The following GFOD2 variants were observed in gnomAD, a reference collection of about 807,000 sequenced individuals.
The protein encoded by GFOD2 is glucose-fructose oxidoreductase domain-containing protein 2.
A neutral mutation model predicts 24.6 loss-of-function variants in GFOD2; 9 were observed. The ratio of observed to expected loss-of-function variants is 0.37; its 90% CI spans 0.22 to 0.64. GFOD2 has a LOEUF of 0.64. Among genes scored for constraint, GFOD2 ranks in the 30% least tolerant of loss-of-function variants. GFOD2 has a pLI of 0.65. For missense variants in GFOD2, 476 were observed against 532.5 expected (o/e 0.89, Z 1.04); for synonymous variants, 211 against 224.8 (o/e 0.94, Z 0.55).
chr16:67,682,613 G>A (rs1372198986), intron 2 of GFOD2: 31 of 985,274 alleles, frequency 3.1e-5, no homozygotes, highest in Non-Finnish European at 3.7e-5. Context: ...CAGAAAACAA[G>A]ATGCCATAAA....
chr16:67,714,671 T>A (rs1168582956), intron 1 of GFOD2, among the ~76,000 whole-genome samples: 1 of 152,116 alleles, frequency 6.6e-6, no homozygotes, highest in East Asian at 1.9e-4. Context: ...AATTGAGAGC[T>A]GACAATTTGA....
At position 67,693,774 on chromosome 16, in the gene GFOD2, G is replaced by A. The variant is rs539368418; in HGVS notation, c.-87-7972C>T. On this transcript the variant is annotated intron_variant, in intron 1 of 2. Coordinates refer to ENST00000268797, the MANE Select transcript of GFOD2 (RefSeq NM_030819.4). The stretch of plus-strand genomic sequence containing the variant: ...TTTTAAAGTGAACAATTCAGTGGCC[G>A]CTGGGTGCAATGCCTCATGCCTGTA... Among the ~76,000 whole-genome samples, 5 of 152,168 alleles carry A rather than the reference G, an allele frequency of 3.3e-5. No homozygotes were observed. In the South Asian group the frequency reaches 8.3e-4, roughly 25 times the overall value.
At chr16:67,708,327 T>C (rs114041176) in intron 1 of GFOD2, among the ~76,000 whole-genome samples, 5,200 of 152,278 alleles carry the variant, frequency 0.034, 252 homozygotes, top group African/African-American at 0.11. Flanking sequence ...TTTGGGGACA[T>C]CATCGGTACA....
At chr16:67,679,978 AG>A (rs1190372846) in intron 2 of GFOD2, among the ~76,000 whole-genome samples, 11 of 151,652 alleles carry the variant, frequency 7.3e-5, no homozygotes, top group Non-Finnish European at 1.3e-4. Context: ...GGTTCACTGC[AG>A]TCTTGGTCTG....
chr16:67,675,154 C>A lies in GFOD2; in HGVS notation c.*1G>T. ...CTGTGGCAAGGAGCCCAGGTGCAGG[C>A]TCATAGGTTGTTCCGCTGAAGTGCC... On this transcript the variant is annotated 3_prime_UTR_variant, in exon 3 of 3. Transcript: ENST00000268797. The A allele has an allele frequency of 6.2e-7, 1 of 1,608,680 alleles. No individual in the cohort carries two copies. The highest frequency in any genetic ancestry group is 8.5e-7 in the Non-Finnish European group (1 of 1,177,010).
intron 2 of GFOD2, chr16:67,681,495 G>A (rs2053225065): frequency 5.1e-6 from 4 of 787,250 alleles, no homozygotes; most frequent in Admixed American, 6.3e-5. Context: ...TGCAACCTCC[G>A]CTTCCTGGGC....
In GFOD2 at chr16:67,676,300, A is replaced by AT. The variant is rs1330305418; in HGVS notation, c.260-248_260-247insA. On this transcript the variant is annotated intron_variant, in intron 2 of 2. Coordinates refer to ENST00000268797, the MANE Select transcript of GFOD2 (RefSeq NM_030819.4). ...GTACCACCACGCCTGGCTAATTTAAAATTTTTTTTTTGTAGAGATGGGGTC... is the reference window on the plus strand; with the variant it reads ...GTACCACCACGCCTGGCTAATTTAAATATTTTTTTTTTGTAGAGATGGGGTC... 552 of 474,634 alleles carry AT rather than the reference A, an allele frequency of 1.2e-3. 5 individuals carry two copies. Among genetic ancestry groups the AT allele is most frequent in the African/African-American group, 1.0e-2 (500 of 50,014 alleles). The allele number at this position is 474,634 out of a possible 1,614,324, so 29.4% of individuals were successfully genotyped here.
intron 1 of GFOD2, among the ~76,000 whole-genome samples, chr16:67,710,564 GTGTTAGCCAGGA>G (rs2053466657): frequency 6.6e-6 from 1 of 151,398 alleles, no homozygotes; most frequent in Non-Finnish European, 1.5e-5. Flanking sequence ...GGGTTTCACC[GTGTTAGCCAGGA>G]TGGTCTCGAT....
intron 1 of GFOD2, among the ~76,000 whole-genome samples, chr16:67,710,828 C>T (rs1390342675): frequency 6.6e-6 from 1 of 152,176 alleles, no homozygotes; most frequent in African/African-American, 2.4e-5. Context: ...TCAATCCCCA[C>T]TTGCTGTGCT....
chr16:67,683,431 A>G (rs2053242795), intron 2 of GFOD2: 24 of 1,229,976 alleles, frequency 2.0e-5, no homozygotes, highest in South Asian at 4.2e-5. Context: ...CAAGTGACCA[A>G]TAGCGGCTTG....
chr16:67,707,491 C>A (rs1229299646), intron 1 of GFOD2, among the ~76,000 whole-genome samples: 2 of 151,774 alleles, frequency 1.3e-5, no homozygotes, highest in African/African-American at 2.4e-5. Flanking sequence ...TATAGTTAAA[C>A]ATATATCAAC....
At chr16:67,707,352 C>T (rs992617699) in intron 1 of GFOD2, among the ~76,000 whole-genome samples, 1 of 142,824 alleles carries the variant, frequency 7.0e-6, no homozygotes. Flanking sequence ...AGTGAAACTC[C>T]ATTTCAAAAA....
chr16:67,701,036 C>CAA (rs1196263484), intron 1 of GFOD2, among the ~76,000 whole-genome samples: 23 of 68,434 alleles, frequency 3.4e-4, no homozygotes, highest in African/African-American at 5.5e-4. Context: ...GACTCTGTCT[C>CAA]AAAAAAAAAA....
Position 67,685,710 on chromosome 16 carries a change from C to A in GFOD2, c.6G>T (p.Lys2Asn). The stretch of plus-strand genomic sequence containing the variant: ...CAAACACGCCCACTCCTGGCAGCAT[C>A]TTCATCCCAGCCTCTCTCTTTACCA... M[K>N]MLPGVGVFGT... Residue 2 changes from lysine to asparagine, a missense_variant, in exon 2 of 3, where the codon AAG becomes AAT. Coordinates refer to ENST00000268797, the MANE Select transcript of GFOD2 (RefSeq NM_030819.4). 2.5e-6 allele frequency: 4 copies of A among 1,610,168 alleles called. No individual in the cohort carries two copies. Among genetic ancestry groups the A allele is most frequent in the Non-Finnish European group, 3.4e-6 (4 of 1,178,698 alleles).
chr16:67,707,572 T>C (rs1371279835), intron 1 of GFOD2, among the ~76,000 whole-genome samples: 1 of 152,062 alleles, frequency 6.6e-6, no homozygotes, highest in Non-Finnish European at 1.5e-5. Context: ...AAAAAAATTA[T>C]ACAAATGTTC....
chr16:67,683,773 C>G, intron 2 of GFOD2: 3 of 1,226,804 alleles, frequency 2.4e-6, no homozygotes, highest in Non-Finnish European at 3.0e-6. Flanking sequence ...GGTTTGCCAC[C>G]ATGGCAGTGG....
At chr16:67,707,792 C>A (rs1198240896) in intron 1 of GFOD2, among the ~76,000 whole-genome samples, 1 of 152,074 alleles carries the variant, frequency 6.6e-6, no homozygotes, top group East Asian at 1.9e-4. Context: ...CTCAAGTGAT[C>A]CCCCTGCCTC....
chr16:67,708,529 A>G (rs942577526), intron 1 of GFOD2, among the ~76,000 whole-genome samples: 4 of 152,240 alleles, frequency 2.6e-5, no homozygotes, highest in African/African-American at 9.6e-5. Context: ...CATACTGAGG[A>G]AGGGAGGGTT....
intron 2 of GFOD2, chr16:67,683,505 G>A: frequency 8.1e-7 from 1 of 1,231,634 alleles, no homozygotes; most frequent in Non-Finnish European, 1.0e-6. Context: ...TTCAATCTGG[G>A]AGCCACCATC....
Sources: allele counts gnomAD v4.1 joint callset (sites outside exome capture counted in the v4.1 genomes callset), GRCh38; gene constraint gnomAD v4.1.1; transcripts MANE v1.5; gene names NCBI Gene and HGNC (gene_info 2026-07-23, HGNC 2026-07-21).